Variants in CENPK observed in about 807,000 individuals in gnomAD.
The protein encoded by CENPK is SoxLZ/Sox6-binding protein Solt.
A neutral mutation model predicts 40.9 loss-of-function variants in CENPK; 46 were observed. The observed-to-expected ratio is 1.13, with a 90% CI of 0.89 to 1.44. CENPK has a LOEUF of 1.44. CENPK is among the 40% of genes most tolerant of loss of function. The pLI is 0.00. For missense variants in CENPK, 288 were observed against 303.5 expected (o/e 0.95, Z 0.38); for synonymous variants, 107 against 104.4 (o/e 1.02, Z -0.15).
chr5:65,495,914 G>C, the CENPK span, among the ~76,000 whole-genome samples: 1 of 152,168 alleles, frequency 6.6e-6, no homozygotes, highest in Non-Finnish European at 1.5e-5. Flanking sequence ...TGCTGGTGGT[G>C]GTATAAATTG....
chr5:65,507,233 T>C, the CENPK span, among the ~76,000 whole-genome samples: 2 of 152,184 alleles, frequency 1.3e-5, no homozygotes, highest in African/African-American at 2.4e-5. Context: ...CACTTCCTAC[T>C]GGCATTTTTT....
chr5:65,556,241 G>C (rs893449173), intron 2 of CENPK, among the ~76,000 whole-genome samples: 1 of 152,218 alleles, frequency 6.6e-6, no homozygotes, highest in Admixed American at 6.5e-5. Context: ...GGGAGGCCAA[G>C]GTCGTAGGAT....
At chr5:65,559,227 C>A (rs867146444) in intron 2 of CENPK, among the ~76,000 whole-genome samples, 1 of 152,302 alleles carries the variant, frequency 6.6e-6, no homozygotes, top group Middle Eastern at 3.4e-3. Context: ...GACTGAAAGA[C>A]CCACATTGTA....
intron 9 of CENPK, among the ~76,000 whole-genome samples, chr5:65,525,483 T>C (rs559810229): frequency 6.6e-6 from 1 of 152,336 alleles, no homozygotes; most frequent in South Asian, 2.1e-4. Context: ...CTTAGCAAGA[T>C]GTCTCAAATG....
At chr5:65,541,360 A>G (rs1412546041) in intron 6 of CENPK, 1 of 455,978 alleles carries the variant, frequency 2.2e-6, no homozygotes, top group Non-Finnish European at 4.4e-6. Context: ...GTTACCTCCA[A>G]GTAGATTATG....
intron 5 of CENPK, among the ~76,000 whole-genome samples, chr5:65,545,048 T>C (rs1302278768): frequency 6.6e-6 from 1 of 152,088 alleles, no homozygotes; most frequent in African/African-American, 2.4e-5. Flanking sequence ...AAAATTTTCT[T>C]TAAACTAAAC....
chr5:65,548,051 A>G (rs1749330073), intron 5 of CENPK, among the ~76,000 whole-genome samples: 1 of 152,210 alleles, frequency 6.6e-6, no homozygotes, highest in Non-Finnish European at 1.5e-5. Flanking sequence ...CAATTAAAGG[A>G]AAGAAAACAG....
In CENPK at chr5:65,539,823, C is replaced by T. The variant is rs73762020; in HGVS notation, c.288+2979G>A. 6.0e-3 allele frequency among the ~76,000 whole-genome samples: 920 copies of T among 152,360 alleles called. 8 individuals carry two copies. The highest frequency in any genetic ancestry group is 0.02 in the African/African-American group (838 of 41,580). ...CATTTCCCCTGGCTTGCACTTTCTG[C>T]ACCCTGGAGGAGATATGACCCTCCA... is the stretch of plus-strand genomic sequence containing the variant. On this transcript the variant is annotated intron_variant, in intron 6 of 10. Transcript: ENST00000396679.
downstream of CENPK, among the ~76,000 whole-genome samples, chr5:65,517,440 A>G (rs761579370): frequency 1.3e-5 from 2 of 152,106 alleles, no homozygotes; most frequent in African/African-American, 2.4e-5. Context: ...GGTACTTTAT[A>G]TATTATCCTC....
chr5:65,550,078 G>C (rs1472763207), intron 5 of CENPK, among the ~76,000 whole-genome samples: 1 of 142,826 alleles, frequency 7.0e-6, no homozygotes, highest in Non-Finnish European at 1.5e-5. Flanking sequence ...TGACATAGGA[G>C]AATCACTTGA....
At chr5:65,525,433 T>G (rs1471339257) in intron 9 of CENPK, among the ~76,000 whole-genome samples, 4 of 152,166 alleles carry the variant, frequency 2.6e-5, no homozygotes, top group Admixed American at 6.5e-5. Context: ...GATCCAGCCA[T>G]CCATCAATCC....
intron 3 of CENPK, among the ~76,000 whole-genome samples, chr5:65,554,519 C>A (rs1750667168): frequency 6.6e-6 from 1 of 152,114 alleles, no homozygotes; most frequent in Non-Finnish European, 1.5e-5. Flanking sequence ...TGTACTTCTA[C>A]AATACATCTA....
the CENPK span, among the ~76,000 whole-genome samples, chr5:65,505,926 A>T: frequency 3.3e-5 from 5 of 152,144 alleles, no homozygotes; most frequent in Admixed American, 6.6e-5. Context: ...TTAATTTTTC[A>T]ACTGTCTTTC....
In CENPK at chr5:65,551,642, A is replaced by G. The variant is rs1384559581; in HGVS notation, c.169-6T>C. The G allele has an allele frequency of 6.6e-7, 1 of 1,517,882 alleles. No homozygotes were observed. Among genetic ancestry groups the G allele is most frequent in the Non-Finnish European group, 9.0e-7 (1 of 1,108,748 alleles). The allele number at this position is 1,517,882 out of a possible 1,614,324, so 94.0% of individuals were successfully genotyped here. A position where few individuals can be genotyped will look rare whatever the true frequency, so the allele number is the denominator to read the frequency against. On this transcript the variant is annotated splice_polypyrimidine_tract_variant and splice_region_variant and intron_variant, in intron 4 of 10. Transcript: ENST00000396679. ...TGCATAATTAACAATGATAGCTACA[A>G]AAGAAGAAAACAAAGTCATTTTCTG... is the stretch of plus-strand genomic sequence containing the variant.
At chr5:65,521,215 C>T (rs1266989112) in intron 10 of CENPK, among the ~76,000 whole-genome samples, 2 of 151,620 alleles carry the variant, frequency 1.3e-5, no homozygotes, top group Non-Finnish European at 2.9e-5. Flanking sequence ...AAAATTTTAC[C>T]TGTAATAAAT....
Position 65,529,239 on chromosome 5 carries a change from T to C in CENPK, c.289-40A>G, listed in dbSNP as rs758714754. ...TTCAAATTAATTGCTTGGTCTTTAA[T>C]CCCAGTTTTATTTCTGAACGATAGT... On this transcript the variant is annotated intron_variant, in intron 6 of 10. Transcript: ENST00000396679. 5.2e-6 allele frequency: 7 copies of C among 1,342,624 alleles called. No homozygotes were observed. The African/African-American group carries it at 8.7e-5, about 17-fold the overall frequency. 83.2% of individuals were successfully genotyped at this position (1,342,624 alleles called of 1,614,324 possible).
chr5:65,518,468 C>T lies in CENPK; in HGVS notation c.*7G>A. 14 of 1,602,890 alleles carry T rather than the reference C, an allele frequency of 8.7e-6. No individual in the cohort carries two copies. The highest frequency in any genetic ancestry group is 1.1e-5 in the Non-Finnish European group (13 of 1,177,176). ...ATTTTTACTGTGTGAAAAAAGAAAA[C>T]ATCCTTTTACTGATGGAAAGCTTCT... On this transcript the variant is annotated 3_prime_UTR_variant, in exon 11 of 11. Transcript: ENST00000396679.
At chr5:65,546,108 C>T (rs35563710) in intron 5 of CENPK, among the ~76,000 whole-genome samples, 1 of 152,152 alleles carries the variant, frequency 6.6e-6, no homozygotes, top group Non-Finnish European at 1.5e-5. Flanking sequence ...ATTAAAAAGT[C>T]TGTTATAATA....
At chr5:65,544,663 C>T (rs1748582519) in intron 5 of CENPK, among the ~76,000 whole-genome samples, 3 of 152,068 alleles carry the variant, frequency 2.0e-5, no homozygotes. Context: ...GATAAGCAAA[C>T]TGTGGTATAT....
Sources: allele counts gnomAD v4.1 joint callset (sites outside exome capture counted in the v4.1 genomes callset), GRCh38; gene constraint gnomAD v4.1.1; transcripts MANE v1.5; gene names NCBI Gene and HGNC (gene_info 2026-07-23, HGNC 2026-07-21).